DHX33: variants seen among roughly 807,000 people sequenced by gnomAD.
DHX33 encodes ATP-dependent RNA helicase DHX33.
A neutral mutation model predicts 72.5 loss-of-function variants in DHX33; 42 were observed. The ratio of observed to expected loss-of-function variants is 0.58; its 90% CI spans 0.45 to 0.75. The LOEUF (loss-of-function observed/expected upper bound fraction) is 0.75, where lower values mean the gene tolerates loss of function less well. DHX33 is among the 30% of genes least tolerant of loss of function. The pLI is 0.00. For missense variants in DHX33, 842 were observed against 917.5 expected (o/e 0.92, Z 1.06); for synonymous variants, 358 against 366.1 (o/e 0.98, Z 0.25).
intron 8 of DHX33, among the ~76,000 whole-genome samples, chr17:5,451,261 G>A (rs146102890): frequency 0.01 from 1,558 of 151,994 alleles, 81 homozygotes; most frequent in Admixed American, 0.081. Flanking sequence ...GCCCACCACC[G>A]CGCCCAGCTA....
chr17:5,463,718 G>C, intron 1 of DHX33, 29 bp from the exon 2 acceptor site: 1 of 1,555,096 alleles, frequency 6.4e-7, no homozygotes, highest in Non-Finnish European at 8.7e-7. Context: ...AAAAAAAAAG[G>C]CTCACTGAAA....
At chr17:5,468,165 C>T (rs1904960864) in intron 1 of DHX33, among the ~76,000 whole-genome samples, 1 of 152,208 alleles carries the variant, frequency 6.6e-6, no homozygotes, top group Non-Finnish European at 1.5e-5. Flanking sequence ...CCAGAAACTA[C>T]ACCTTCCCTT....
intron 2 of DHX33, among the ~76,000 whole-genome samples, chr17:5,463,088 A>G (rs1446946898): frequency 6.6e-6 from 1 of 152,142 alleles, no homozygotes; most frequent in Non-Finnish European, 1.5e-5. Context: ...AAAAAAAAAA[A>G]AGTTTCATGT....
At chr17:5,464,872 G>A (rs538891863) in intron 1 of DHX33, among the ~76,000 whole-genome samples, 2 of 152,278 alleles carry the variant, frequency 1.3e-5, no homozygotes, top group East Asian at 3.9e-4. Context: ...CACACTGCCT[G>A]CCTCGCAAAC....
Position 5,450,301 on chromosome 17 carries a change from C to T in DHX33, c.1630G>A (p.Glu544Lys), listed in dbSNP as rs201822790. The change falls in exon 10 of 12, where the codon GAA (glutamate) becomes AAA (lysine). Residue 544 changes from glutamate to lysine, a missense_variant. Glu to Lys is a moderately conservative substitution (Grantham distance 56). Transcript: ENST00000225296. Reference protein sequence around the residue: ...VLHNPPSRREEVQGVRKKFIS... With the variant: ...VLHNPPSRREKVQGVRKKFIS... The stretch of plus-strand genomic sequence containing the variant: ...AACTTCTTGCGGACCCCTTGCACTT[C>T]CTCTCGCCGGGAAGGAGGGTTGTGG... 2 of 1,614,174 alleles carry T rather than the reference C, an allele frequency of 1.2e-6. No individual in the cohort carries two copies. Among genetic ancestry groups the T allele is most frequent in the Non-Finnish European group, 1.7e-6 (2 of 1,180,044 alleles).
chr17:5,462,560 C>A lies in DHX33; in HGVS notation c.451-14G>T. 1 of 1,598,796 alleles carries A rather than the reference C, an allele frequency of 6.3e-7. No homozygotes were observed. The highest frequency in any genetic ancestry group is 8.6e-7 in the Non-Finnish European group (1 of 1,166,982). The stretch of plus-strand genomic sequence containing the variant: ...TGTATAGCCAACCTGTGCAGGGAAA[C>A]AATTTATTCAGTCACCAAACATTTC... On this transcript the variant is annotated splice_polypyrimidine_tract_variant and intron_variant, in intron 2 of 11. Coordinates refer to ENST00000225296, the MANE Select transcript of DHX33 (RefSeq NM_020162.4).
Position 5,444,612 on chromosome 17 carries a change from G to T in DHX33, c.1816-99C>A. The T allele has an allele frequency of 8.1e-7, 1 of 1,239,238 alleles. No homozygotes were observed. Among genetic ancestry groups the T allele is most frequent in the African/African-American group, 1.5e-5 (1 of 67,142 alleles). 76.8% of individuals were successfully genotyped at this position (1,239,238 alleles called of 1,614,324 possible). On this transcript the variant is annotated intron_variant, in intron 11 of 11. Transcript: ENST00000225296. This position sits in a 1 kb window ranked among gnomAD's most constrained non-coding sequence, Gnocchi z 4.9. ...GGCAACTGGACCCACTGGGGCAAAA[G>T]CAGCCCACATTGTGAGCCTAACGAT... is the stretch of plus-strand genomic sequence containing the variant.
chr17:5,463,136 T>C (rs1904718466), intron 2 of DHX33, among the ~76,000 whole-genome samples: 1 of 152,128 alleles, frequency 6.6e-6, no homozygotes, highest in Non-Finnish European at 1.5e-5. Context: ...TCTAAGGTAT[T>C]TTTAAGTGAA....
intron 5 of DHX33, among the ~76,000 whole-genome samples, chr17:5,455,477 CAAT>C (rs1487591349): frequency 1.3e-5 from 2 of 152,140 alleles, no homozygotes; most frequent in African/African-American, 4.8e-5. Context: ...CAATTTGAGG[CAAT>C]GAGATGCAGT....
intron 11 of DHX33, among the ~76,000 whole-genome samples, chr17:5,445,878 C>T (rs1401307715): frequency 6.6e-6 from 1 of 152,176 alleles, no homozygotes; most frequent in Non-Finnish European, 1.5e-5. Flanking sequence ...TATCGGTTCT[C>T]AGAGATACCT....
intron 5 of DHX33, 116 bp from the exon 6 acceptor site, chr17:5,455,387 C>T: frequency 2.4e-6 from 2 of 836,672 alleles, no homozygotes; most frequent in Middle Eastern, 2.8e-4. Flanking sequence ...GAAGATGACT[C>T]CATTATTAAT....
In DHX33 at chr17:5,453,679, C is replaced by T; in HGVS notation, c.1308-11G>A. 1 of 1,614,074 alleles carries T rather than the reference C, an allele frequency of 6.2e-7. No homozygotes were observed. The highest frequency in any genetic ancestry group is 8.5e-7 in the Non-Finnish European group (1 of 1,179,946). On this transcript the variant is annotated splice_polypyrimidine_tract_variant and intron_variant, in intron 7 of 11. Coordinates refer to ENST00000225296, the MANE Select transcript of DHX33 (RefSeq NM_020162.4). ...CTGGCCAGGTTACACCTGTGAAGAG[C>T]ATGAGACCAGGGTCATGACCTGATC...
intron 11 of DHX33, among the ~76,000 whole-genome samples, chr17:5,446,811 T>C (rs1364185284): frequency 6.6e-6 from 1 of 152,206 alleles, no homozygotes; most frequent in Non-Finnish European, 1.5e-5. Context: ...AAGCACCGTT[T>C]CTACTGTCAA....
intron 4 of DHX33, among the ~76,000 whole-genome samples, chr17:5,460,517 T>G (rs1904543277): frequency 6.6e-6 from 1 of 151,882 alleles, no homozygotes; most frequent in Non-Finnish European, 1.5e-5. Context: ...TTTTTTTGTT[T>G]TTTTTTTCAG....
intron 1 of DHX33, among the ~76,000 whole-genome samples, chr17:5,464,323 C>A (rs1223495121): frequency 6.6e-6 from 1 of 151,682 alleles, no homozygotes; most frequent in Non-Finnish European, 1.5e-5. Context: ...GAATGACACC[C>A]TGTCTTAGAA....
At chr17:5,452,967 A>G (rs1281125234) in intron 8 of DHX33, among the ~76,000 whole-genome samples, 2 of 152,190 alleles carry the variant, frequency 1.3e-5, no homozygotes, top group Non-Finnish European at 2.9e-5. Flanking sequence ...GAAAAGGAAA[A>G]TGGTGCGTTG....
At chr17:5,458,088 G>C (rs966605169) in intron 4 of DHX33, among the ~76,000 whole-genome samples, 4 of 152,130 alleles carry the variant, frequency 2.6e-5, no homozygotes, top group African/African-American at 9.7e-5. Context: ...TCTGAGTATA[G>C]AGTAGTTAAA....
intron 11 of DHX33, among the ~76,000 whole-genome samples, chr17:5,445,959 T>C (rs1290960983): frequency 6.6e-6 from 1 of 152,182 alleles, no homozygotes; most frequent in East Asian, 1.9e-4. Flanking sequence ...GACAATCAGC[T>C]GATCTATGCC....
chr17:5,457,294 C>A (rs1001221777), intron 4 of DHX33, among the ~76,000 whole-genome samples: 4 of 146,270 alleles, frequency 2.7e-5, no homozygotes, highest in Admixed American at 6.8e-5. Context: ...GGCGACAGAG[C>A]AAGACTCCAT....
Sources: allele counts gnomAD v4.1 joint callset (sites outside exome capture counted in the v4.1 genomes callset), GRCh38; gene constraint gnomAD v4.1.1; non-coding constraint Gnocchi (gnomAD v3.1); transcripts MANE v1.5; gene names NCBI Gene and HGNC (gene_info 2026-07-23, HGNC 2026-07-21).